Variants in ZNF385D observed in about 807,000 individuals in gnomAD.
ZNF385D encodes zinc finger protein 385D, also known as zinc finger protein 659.
A neutral mutation model predicts 35.8 loss-of-function variants in ZNF385D; 15 were observed. The ratio of observed to expected loss-of-function variants is 0.42; its 90% CI spans 0.28 to 0.64. The LOEUF is 0.64. ZNF385D is among the 30% of genes least tolerant of loss of function. The pLI is 0.23. For missense variants in ZNF385D, 474 were observed against 494.6 expected (o/e 0.96, Z 0.39); for synonymous variants, 212 against 186.8 (o/e 1.13, Z -1.10).
At chr3:21,723,930 C>G (rs894014334) in intron 1 of ZNF385D, among the ~76,000 whole-genome samples, 1 of 152,118 alleles carries the variant, frequency 6.6e-6, no homozygotes, top group Non-Finnish European at 1.5e-5. Flanking sequence ...AAGGGAAGCC[C>G]ATCAGATTAA....
At chr3:21,811,341 T>A (rs1247239893) in intron 3 of ZNF385D, among the ~76,000 whole-genome samples, 1 of 151,998 alleles carries the variant, frequency 6.6e-6, no homozygotes, top group African/African-American at 2.4e-5. Flanking sequence ...ATTTCAGGAC[T>A]GGGAGAGGAA....
intron 3 of ZNF385D, among the ~76,000 whole-genome samples, chr3:21,807,165 A>C (rs548318759): frequency 6.6e-6 from 1 of 152,358 alleles, no homozygotes; most frequent in Non-Finnish European, 1.5e-5. Flanking sequence ...AGAATAGCTA[A>C]AATTAAGTTT....
chr3:21,696,019 A>C (rs2067458442), intron 1 of ZNF385D, among the ~76,000 whole-genome samples: 1 of 152,154 alleles, frequency 6.6e-6, no homozygotes, highest in Non-Finnish European at 1.5e-5. Flanking sequence ...GCCCTGTTTT[A>C]CAAATAAGAG....
chr3:21,789,948 G>A (rs1008301095), intron 3 of ZNF385D, among the ~76,000 whole-genome samples: 1 of 152,278 alleles, frequency 6.6e-6, no homozygotes, highest in African/African-American at 2.4e-5. Flanking sequence ...CAGGAAATTG[G>A]CTAACACAGT....
chr3:21,776,340 C>G (rs571633168), intron 3 of ZNF385D, among the ~76,000 whole-genome samples: 1 of 151,992 alleles, frequency 6.6e-6, no homozygotes, highest in East Asian at 1.9e-4. Context: ...ACATACTGTT[C>G]AATTGCTCTC....
chr3:21,959,940 C>G (rs1053047008), intron 3 of ZNF385D, among the ~76,000 whole-genome samples: 5 of 148,660 alleles, frequency 3.4e-5, no homozygotes, highest in Non-Finnish European at 7.4e-5. Context: ...TATAAAACTG[C>G]TAAAAGAAAA....
intron 2 of ZNF385D, among the ~76,000 whole-genome samples, chr3:22,320,940 A>G (rs1301835061): frequency 6.6e-6 from 1 of 151,908 alleles, no homozygotes; most frequent in Non-Finnish European, 1.5e-5. Flanking sequence ...TGGAAGAAAA[A>G]TGGATCGTTA....
chr3:22,077,937 G>A (rs1700548024), intron 3 of ZNF385D, among the ~76,000 whole-genome samples: 2 of 151,970 alleles, frequency 1.3e-5, no homozygotes, highest in Admixed American at 1.3e-4. Flanking sequence ...TGACTGTGGA[G>A]TATCTGCACT....
chr3:22,251,983 C>A (rs1022505943), intron 2 of ZNF385D, among the ~76,000 whole-genome samples: 10 of 152,006 alleles, frequency 6.6e-5, no homozygotes, highest in African/African-American at 2.2e-4. Flanking sequence ...TAGTTTTTGG[C>A]ACATATTAAA....
intron 3 of ZNF385D, among the ~76,000 whole-genome samples, chr3:22,084,683 T>TAAC (rs1320846017): frequency 6.6e-6 from 1 of 150,802 alleles, no homozygotes; most frequent in Non-Finnish European, 1.5e-5. Context: ...GACAGAAGGT[T>TAAC]AAGGATATCC....
chr3:21,909,083 G>A (rs768450353), intron 3 of ZNF385D, among the ~76,000 whole-genome samples: 4 of 151,912 alleles, frequency 2.6e-5, no homozygotes, highest in Non-Finnish European at 4.4e-5. Context: ...CAAGTTAAAC[G>A]TTCATTGATA....
At chr3:21,661,264 C>T in intron 2 of ZNF385D, among the ~76,000 whole-genome samples, 1 of 152,170 alleles carries the variant, frequency 6.6e-6, no homozygotes, top group East Asian at 1.9e-4. Context: ...AACCATACAG[C>T]CATTTGCTCC....
intron 3 of ZNF385D, among the ~76,000 whole-genome samples, chr3:22,140,383 A>T (rs1010868272): frequency 3.3e-5 from 5 of 152,200 alleles, no homozygotes; most frequent in Admixed American, 2.6e-4. Flanking sequence ...ACAAAATTAT[A>T]GCAATGGGGA....
At chr3:21,844,605 T>C (rs1695883344) in intron 3 of ZNF385D, among the ~76,000 whole-genome samples, 1 of 151,984 alleles carries the variant, frequency 6.6e-6, no homozygotes, top group African/African-American at 2.4e-5. Context: ...AGATGTTAAG[T>C]TTTGCATGGT....
chr3:22,243,174 C>G lies in ZNF385D; in HGVS notation c.107-74139G>C, dbSNP rs974338280. On this transcript the variant is annotated intron_variant, in intron 2 of 5. Transcript: ENST00000494108. ...GAATATAAAAATAACACTTGCAACC[C>G]AATAATAAAAAAACAAACAGCCCAA... 2.7e-5 allele frequency among the ~76,000 whole-genome samples: 4 copies of G among 149,308 alleles called. 1 individual carries two copies. The highest frequency in any genetic ancestry group is 1.0e-4 in the African/African-American group (4 of 40,118).
intron 3 of ZNF385D, among the ~76,000 whole-genome samples, chr3:22,101,568 G>A (rs149054693): frequency 1.6e-4 from 25 of 152,094 alleles, no homozygotes; most frequent in Admixed American, 1.3e-3. Flanking sequence ...TTCTCTATAA[G>A]TTCTATTTAT....
chr3:21,886,781 A>T (rs370685664), intron 3 of ZNF385D, among the ~76,000 whole-genome samples: 25 of 152,294 alleles, frequency 1.6e-4, no homozygotes, highest in Non-Finnish European at 3.5e-4. Flanking sequence ...TTGACCTCTC[A>T]TAAGAAAATC....
intron 2 of ZNF385D, among the ~76,000 whole-genome samples, chr3:22,204,881 G>A (rs1473067072): frequency 6.7e-6 from 1 of 149,198 alleles, no homozygotes. Flanking sequence ...CCTCAAAAGG[G>A]CAAATCTAAG....
intron 3 of ZNF385D, among the ~76,000 whole-genome samples, chr3:22,082,322 C>T (rs963162422): frequency 6.6e-6 from 1 of 152,078 alleles, no homozygotes; most frequent in Non-Finnish European, 1.5e-5. Context: ...ACAGACAGTA[C>T]CTGGAAAATT....
Sources: allele counts gnomAD v4.1 joint callset (sites outside exome capture counted in the v4.1 genomes callset), GRCh38; gene constraint gnomAD v4.1.1; transcripts MANE v1.5; gene names NCBI Gene and HGNC (gene_info 2026-07-23, HGNC 2026-07-21).